The following PAX5 variants were observed in gnomAD, a reference collection of about 807,000 sequenced individuals.
PAX5 encodes paired box 5.
A neutral mutation model predicts 43.7 loss-of-function variants in PAX5; 9 were observed. The observed-to-expected ratio is 0.21, with a 90% confidence interval of 0.12 to 0.36. PAX5 has a LOEUF of 0.36. Among genes scored for constraint, PAX5 ranks in the 10% least tolerant of loss-of-function variants. The pLI, the probability that PAX5 is intolerant of heterozygous loss-of-function variation, is 1.00. For missense variants in PAX5, 383 were observed against 532.7 expected, an observed-to-expected ratio of 0.72 and a Z score of 2.77; for synonymous variants, 228 against 214.3, an observed-to-expected ratio of 1.06 and a Z score of -0.56.
At chr9:36,947,850 T>G (rs62533676) in intron 6 of PAX5, among the ~76,000 whole-genome samples, 24,969 of 151,710 alleles carry the variant, frequency 0.16, 2,660 homozygotes, top group Non-Finnish European at 0.24. Flanking sequence ...CTTTTGTTCT[T>G]TCTCTTCTTC....
chr9:36,961,903 T>C (rs1180133125), intron 6 of PAX5, among the ~76,000 whole-genome samples: 1 of 152,230 alleles, frequency 6.6e-6, no homozygotes, highest in East Asian at 1.9e-4. Context: ...ACTCACTCCA[T>C]ATGTAGGGAA....
Position 36,838,674 on chromosome 9 carries a change from T to G in PAX5, c.*1886A>C, listed in dbSNP as rs536158921. 1.3e-5 allele frequency: 3 copies of G among 232,780 alleles called. No homozygotes were observed. The highest frequency in any genetic ancestry group is 2.5e-5 in the Non-Finnish European group (3 of 117,830). 14.4% of individuals were successfully genotyped at this position (232,780 alleles called of 1,614,324 possible). ...TGTTTCCCACTTGGTCCAAATATTA[T>G]TGGGCCTCAGGTGCCCACCCCCATC... is the stretch of plus-strand genomic sequence containing the variant. On this transcript the variant is annotated 3_prime_UTR_variant, in exon 10 of 10. Coordinates refer to ENST00000358127, the MANE Select transcript of PAX5 (RefSeq NM_016734.3).
At chr9:37,013,067 T>C (rs1477780258) in intron 3 of PAX5, among the ~76,000 whole-genome samples, 2 of 151,174 alleles carry the variant, frequency 1.3e-5, no homozygotes, top group Non-Finnish European at 3.0e-5. Context: ...CTGGGCAACA[T>C]AGGGAGACCC....
chr9:36,935,643 C>A (rs1409089731), intron 6 of PAX5, among the ~76,000 whole-genome samples: 1 of 152,206 alleles, frequency 6.6e-6, no homozygotes, highest in Non-Finnish European at 1.5e-5. Flanking sequence ...CTTTTCTTCC[C>A]CTGTCCTCTT....
At chr9:36,910,593 G>A (rs1829187862) in intron 7 of PAX5, among the ~76,000 whole-genome samples, 1 of 152,228 alleles carries the variant, frequency 6.6e-6, no homozygotes, top group South Asian at 2.1e-4. Context: ...GGTGTGTTGG[G>A]CAGTGCCTGG....
chr9:36,948,771 A>T (rs1485703677), intron 6 of PAX5, among the ~76,000 whole-genome samples: 1 of 151,724 alleles, frequency 6.6e-6, no homozygotes, highest in East Asian at 1.9e-4. Flanking sequence ...CCTCCCACCA[A>T]GACAATTCTT....
chr9:36,904,675 A>T (rs1828675909), intron 7 of PAX5, among the ~76,000 whole-genome samples: 1 of 152,186 alleles, frequency 6.6e-6, no homozygotes, highest in African/African-American at 2.4e-5. Flanking sequence ...AATAATTATG[A>T]TAATATCTTG....
intron 6 of PAX5, among the ~76,000 whole-genome samples, chr9:36,949,611 G>T (rs3780161): frequency 1.3e-5 from 2 of 151,992 alleles, no homozygotes; most frequent in Non-Finnish European, 2.9e-5. Context: ...CAAAACTAAC[G>T]TAACAGGTTG....
chr9:37,014,930 T>C, intron 3 of PAX5, 67 bp downstream of exon 3: 1 of 1,430,070 alleles, frequency 7.0e-7, no homozygotes, highest in Non-Finnish European at 9.7e-7. Flanking sequence ...GAAAGGCACA[T>C]GCAGAGCCTC....
At chr9:36,897,309 C>G (rs1301328093) in intron 7 of PAX5, among the ~76,000 whole-genome samples, 18 of 152,126 alleles carry the variant, frequency 1.2e-4, no homozygotes. Context: ...TCAGGGAGCA[C>G]CGGAGCTCGA....
chr9:36,838,246 T>A lies in PAX5; in HGVS notation c.*2314A>T. 4.3e-6 allele frequency: 1 copy of A among 232,902 alleles called. No homozygotes were observed. Among genetic ancestry groups the A allele is most frequent in the Non-Finnish European group, 8.5e-6 (1 of 117,878 alleles). 14.4% of individuals were successfully genotyped at this position (232,902 alleles called of 1,614,324 possible). On this transcript the variant is annotated 3_prime_UTR_variant, in exon 10 of 10. Transcript: ENST00000358127. ...CGCTGGGCTCCATCCCTGGCCTGGG[T>A]GACCAGGCTTCCTTGGCAGTTCTTA...
chr9:37,019,755 C>G (rs1167686318), intron 2 of PAX5, among the ~76,000 whole-genome samples: 1 of 152,196 alleles, frequency 6.6e-6, no homozygotes, highest in Admixed American at 6.5e-5. Flanking sequence ...TCCTGCCTGC[C>G]AGGGCAGACC....
At chr9:36,985,114 G>T (rs1836280586) in intron 5 of PAX5, among the ~76,000 whole-genome samples, 1 of 152,210 alleles carries the variant, frequency 6.6e-6, no homozygotes, top group Non-Finnish European at 1.5e-5. Flanking sequence ...GCATCATGCT[G>T]CCTCTCAAAC....
chr9:36,923,498 CAG>C lies in PAX5; in HGVS notation c.781-16_781-15del, dbSNP rs771733394. ...ATACTCTGTGGTCTGAAAGAAGAAA[CAG>C]AGACGTCTCAGCACCAAGACTCCAC... On this transcript the variant is annotated splice_polypyrimidine_tract_variant and intron_variant, in intron 6 of 9. Coordinates refer to ENST00000358127, the MANE Select transcript of PAX5 (RefSeq NM_016734.3). The C allele has an allele frequency of 9.5e-5, 152 of 1,602,012 alleles. 1 individual carries two copies. The Middle Eastern group carries it at 3.0e-3, about 31-fold the overall frequency.
rs2131564907 is a variant in PAX5 at position 36,840,452 on chromosome 9, G to A, written c.*108C>T. ...AGAGGGGAGCTTCAGGCAAGTGGGG[G>A]ATGCTGGGGGACGGTCTCATGGGCT... is the stretch of plus-strand genomic sequence containing the variant. On this transcript the variant is annotated 3_prime_UTR_variant, in exon 10 of 10. Coordinates refer to ENST00000358127, the MANE Select transcript of PAX5 (RefSeq NM_016734.3). 2 of 1,082,126 alleles carry A rather than the reference G, an allele frequency of 1.8e-6. No individual in the cohort carries two copies. The highest frequency in any genetic ancestry group is 5.2e-5 in the East Asian group (2 of 38,834). The allele number at this position is 1,082,126 out of a possible 1,614,324, so 67.0% of individuals were successfully genotyped here. A position where few individuals can be genotyped will look rare whatever the true frequency, so the allele number is the denominator to read the frequency against.
intron 1 of PAX5, chr9:37,026,778 A>C (rs1424142290): frequency 2.1e-6 from 2 of 952,832 alleles, no homozygotes; most frequent in East Asian, 2.3e-4. Flanking sequence ...AAATGGTGCT[A>C]GCGCACCCGG....
chr9:36,865,092 G>C (rs149699937), intron 8 of PAX5, among the ~76,000 whole-genome samples: 76 of 152,304 alleles, frequency 5.0e-4, no homozygotes, highest in African/African-American at 1.7e-3. Context: ...AATTTCCAAA[G>C]CAGGCAGCCA....
rs771770910 is a variant in PAX5, at chr9:36,840,578, A to C, written c.1158T>G (p.Thr386=). 3 of 1,587,224 alleles carry C rather than the reference A, an allele frequency of 1.9e-6. No individual in the cohort carries two copies. The Admixed American group carries it at 5.4e-5, about 29-fold the overall frequency. ...CCAAGGGTCAGTGACGGTCATAGGC[A>C]GTGGCGGCTGCAGGTGGGGCGGCTC... ...ARGAAPPAAA[T]AYDRH Residue 386 remains threonine (T), a synonymous_variant, in exon 10 of 10, where the codon ACT becomes ACG. Transcript: ENST00000358127.
At chr9:36,903,280 G>A (rs186220906) in intron 7 of PAX5, among the ~76,000 whole-genome samples, 25 of 152,288 alleles carry the variant, frequency 1.6e-4, no homozygotes, top group Admixed American at 1.2e-3. Context: ...ATGTGGTCCC[G>A]GCTACTCAGG....
Sources: allele counts gnomAD v4.1 joint callset (sites outside exome capture counted in the v4.1 genomes callset), GRCh38; gene constraint gnomAD v4.1.1; transcripts MANE v1.5; gene names NCBI Gene and HGNC (gene_info 2026-07-23, HGNC 2026-07-21).